Variants in MGA observed in about 807,000 individuals in gnomAD.
The protein encoded by MGA is MAX dimerization protein MGA.
MGA carries 40 observed loss-of-function variants against 261.1 expected under a neutral mutation model. That is an observed-to-expected ratio of 0.15 (90% CI 0.12 to 0.20). The LOEUF is 0.20. Ranked by LOEUF, MGA falls within the 10% of genes least tolerant of loss-of-function variation. The probability of loss-of-function intolerance (pLI) is 1.00; values close to 1 mark genes in which losing one functional copy is unlikely to be tolerated. For missense variants in MGA, 3,397 were observed against 3,630.5 expected, an observed-to-expected ratio of 0.94 and a Z score of 1.65; for synonymous variants, 1,302 against 1,290.6, an observed-to-expected ratio of 1.01 and a Z score of -0.19.
At chr15:41,698,728 G>C in intron 3 of MGA, 135 bp from the exon 4 acceptor site, 2 of 623,542 alleles carry the variant, frequency 3.2e-6, no homozygotes, top group Non-Finnish European at 2.8e-6. Context: ...AATTGCTCCT[G>C]TTCTGCCAAT....
intron 1 of MGA, among the ~76,000 whole-genome samples, chr15:41,623,611 A>G (rs12902548): frequency 0.78 from 117,790 of 151,404 alleles, 46,458 homozygotes; most frequent in East Asian, 0.89. Flanking sequence ...GGGTGTGGCG[A>G]TGCATGCCTG....
At chr15:41,689,062 A>AT (rs1187959896) in intron 2 of MGA, among the ~76,000 whole-genome samples, 1 of 152,098 alleles carries the variant, frequency 6.6e-6, no homozygotes, top group Non-Finnish European at 1.5e-5. Context: ...CCACATACAA[A>AT]TTTGGTGGGG....
At chr15:41,765,969 A>G in intron 23 of MGA, 35 bp from the exon 24 acceptor site, 2 of 1,561,914 alleles carry the variant, frequency 1.3e-6, no homozygotes, top group South Asian at 2.3e-5. Context: ...ACTAGATCTA[A>G]ATGAATTTTT....
At chr15:41,673,910 G>C (rs1475560186) in intron 2 of MGA, among the ~76,000 whole-genome samples, 2 of 152,032 alleles carry the variant, frequency 1.3e-5, no homozygotes, top group Non-Finnish European at 2.9e-5. Context: ...GTTATGTTTT[G>C]AGACGGAGTC....
chr15:41,746,031 A>G (rs1487601826), intron 15 of MGA, among the ~76,000 whole-genome samples: 1 of 152,240 alleles, frequency 6.6e-6, no homozygotes, highest in South Asian at 2.1e-4. Flanking sequence ...CCCTGTTGGC[A>G]CTTTGATATC....
chr15:41,768,165 AT>A lies in MGA; in HGVS notation c.*888del. 1 of 152,772 alleles carries A rather than the reference AT, an allele frequency of 6.5e-6. No homozygotes were observed. The highest frequency in any genetic ancestry group is 2.4e-5 in the African/African-American group (1 of 41,578). 9.5% of individuals were successfully genotyped at this position (152,772 alleles called of 1,614,324 possible). ...AAAATAAAAAATCATGGGGCTGGAAATTTCCCAAATCAAACCAGCCTCCTGG... is the reference window on the plus strand; with the variant it reads ...AAAATAAAAAATCATGGGGCTGGAAATTCCCAAATCAAACCAGCCTCCTGG... On this transcript the variant is annotated 3_prime_UTR_variant, in exon 24 of 24. Coordinates refer to ENST00000219905, the MANE Select transcript of MGA (RefSeq NM_001164273.2).
chr15:41,668,707 A>G, intron 1 of MGA, 121 bp from the exon 2 acceptor site: 1 of 452,478 alleles, frequency 2.2e-6, no homozygotes, highest in Non-Finnish European at 3.9e-6. Context: ...GCAAAGTCTT[A>G]GAAGAATTTA....
At chr15:41,718,322 C>CAT (rs967246839) in intron 9 of MGA, 97 of 198,112 alleles carry the variant, frequency 4.9e-4, no homozygotes, top group Middle Eastern at 1.9e-3. Context: ...TATATATATA[C>CAT]ATATATATAT....
At chr15:41,715,561 T>C (rs1458647033) in intron 9 of MGA, among the ~76,000 whole-genome samples, 2 of 152,196 alleles carry the variant, frequency 1.3e-5, no homozygotes, top group Non-Finnish European at 2.9e-5. Flanking sequence ...GTGGGATTTG[T>C]AGTAGGGAAT....
intron 1 of MGA, among the ~76,000 whole-genome samples, chr15:41,621,747 C>T (rs986320675): frequency 7.9e-5 from 12 of 152,192 alleles, no homozygotes; most frequent in African/African-American, 2.9e-4. Context: ...CACGTGGACG[C>T]CACAGCCAAT....
chr15:41,673,373 A>G (rs771106975), intron 2 of MGA, among the ~76,000 whole-genome samples: 5 of 151,800 alleles, frequency 3.3e-5, no homozygotes, highest in Non-Finnish European at 5.9e-5. Context: ...GCATGCCACC[A>G]TGCCTGGCTA....
chr15:41,653,105 G>A (rs750364619), intron 1 of MGA, among the ~76,000 whole-genome samples: 1 of 152,030 alleles, frequency 6.6e-6, no homozygotes, highest in Non-Finnish European at 1.5e-5. Context: ...GGTAGCTCAC[G>A]CCTGTAATCC....
At chr15:41,709,561 C>T (rs1174265461) in intron 7 of MGA, among the ~76,000 whole-genome samples, 1 of 151,910 alleles carries the variant, frequency 6.6e-6, no homozygotes, top group Non-Finnish European at 1.5e-5. Context: ...TCTCCCTGCT[C>T]AGCCTCCAGA....
chr15:41,761,792 G>C lies in MGA; in HGVS notation c.7452G>C (p.Gln2484His), dbSNP rs1439026014. 1.2e-6 allele frequency: 2 copies of C among 1,600,614 alleles called. No individual in the cohort carries two copies. Among genetic ancestry groups the C allele is most frequent in the South Asian group, 2.3e-5 (2 of 88,178 alleles). Residue 2484 changes from glutamine to histidine, a missense_variant, in exon 21 of 24, where the codon CAG (glutamine) becomes CAC (histidine). Physicochemically the swap from Gln to His is conservative, Grantham distance 24. Transcript: ENST00000219905. Reference sequence around the variant, plus strand: ...ATCAGGCAGACAAATTGATAGGACAGAAAAATCTCCTGACTCGAAAACGGA... The same window carrying C: ...ATCAGGCAGACAAATTGATAGGACACAAAAATCTCCTGACTCGAAAACGGA...
At chr15:41,735,943 G>C (rs1350988352) in intron 12 of MGA, among the ~76,000 whole-genome samples, 1 of 152,152 alleles carries the variant, frequency 6.6e-6, no homozygotes, top group Non-Finnish European at 1.5e-5. Flanking sequence ...ATTTAGAGTA[G>C]TGTTAAGGGA....
rs762808263 is a variant in MGA at position 41,713,350 on chromosome 15, A to G, written c.3284A>G (p.Lys1095Arg). Reference sequence around the variant, plus strand: ...GTTGTACTTGTTAAAGGAGGATCCAAAACTAAGCATTTTCAGAGGAAGGCT... The same window carrying G: ...GTTGTACTTGTTAAAGGAGGATCCAGAACTAAGCATTTTCAGAGGAAGGCT... The change falls in exon 9 of 24, where the codon AAA (lysine) becomes AGA (arginine). Residue 1095 changes from lysine to arginine, a missense_variant. Lys to Arg is a conservative substitution (Grantham distance 26, BLOSUM62 2). Around this residue, in one of 9 missense-constraint regions of MGA, gnomAD observed 519 missense variants for 554.1 expected, o/e 0.94. Coordinates refer to ENST00000219905, the MANE Select transcript of MGA (RefSeq NM_001164273.2). The G allele has an allele frequency of 4.3e-6, 7 of 1,613,844 alleles. No homozygotes were observed. Among genetic ancestry groups the G allele is most frequent in the African/African-American group, 4.0e-5 (3 of 74,930 alleles).
intron 2 of MGA, among the ~76,000 whole-genome samples, chr15:41,673,563 A>T (rs562344171): frequency 5.4e-5 from 5 of 93,048 alleles, no homozygotes; most frequent in Admixed American, 2.7e-4. Context: ...TTTTTTTGAG[A>T]TGGAGTTTTG....
In MGA at chr15:41,765,070, G is replaced by GT; in HGVS notation, c.7921+9dup. The GT allele has an allele frequency of 6.2e-7, 1 of 1,613,670 alleles. No individual in the cohort carries two copies. Among genetic ancestry groups the GT allele is most frequent in the Non-Finnish European group, 8.5e-7 (1 of 1,179,606 alleles). ...GTGCTGTGGCTCTACCAGGTATGTT[G>GT]TAAGTGTTGTCCTCTATGGGAAGTG... On this transcript the variant is annotated intron_variant, in intron 23 of 23. Transcript: ENST00000219905.
intron 2 of MGA, among the ~76,000 whole-genome samples, chr15:41,682,590 C>T (rs891906821): frequency 1.3e-5 from 2 of 152,158 alleles, no homozygotes; most frequent in Non-Finnish European, 2.9e-5. Context: ...AAGGGATTCT[C>T]CTGCCTCAGC....
Sources: gnomAD v4.1 joint callset for allele counts (sites outside exome capture counted in the v4.1 genomes callset) on GRCh38, gnomAD v4.1.1 for gene constraint, gnomAD v4.1.1 regional missense constraint, MANE v1.5 for transcripts, NCBI Gene and HGNC (gene_info 2026-07-23, HGNC 2026-07-21) for gene names.